PDE10A: variants seen among roughly 807,000 people sequenced by gnomAD.
PDE10A encodes phosphodiesterase 10A.
In PDE10A, 39 loss-of-function variants were observed where a neutral mutation model predicts 97.7. The observed-to-expected ratio is 0.40, with a 90% CI of 0.31 to 0.52. PDE10A has a LOEUF of 0.52. Among genes scored for constraint, PDE10A ranks in the 20% least tolerant of loss-of-function variants. The pLI is 0.56. For missense variants in PDE10A, 731 were observed against 1,047.8 expected, an observed-to-expected ratio of 0.70 and a Z score of 4.17; for synonymous variants, 371 against 376.8, an observed-to-expected ratio of 0.98 and a Z score of 0.18.
At chr6:165,804,417 G>A (rs1404685194) in intron 1 of PDE10A, among the ~76,000 whole-genome samples, 1 of 151,980 alleles carries the variant, frequency 6.6e-6, no homozygotes, top group Non-Finnish European at 1.5e-5. Flanking sequence ...GTTTTGTTTT[G>A]TTTTGTTTTT....
At chr6:165,481,003 C>T (rs374719175) in intron 3 of PDE10A, among the ~76,000 whole-genome samples, 13 of 152,088 alleles carry the variant, frequency 8.5e-5, no homozygotes, top group Non-Finnish European at 1.6e-4. Flanking sequence ...TGAATAATAG[C>T]GAAGAAAAAT....
intron 1 of PDE10A, among the ~76,000 whole-genome samples, chr6:165,862,591 A>C (rs2128476974): frequency 6.6e-6 from 1 of 152,222 alleles, no homozygotes; most frequent in East Asian, 1.9e-4. Flanking sequence ...TAGAATCCTG[A>C]TGAATTCAGG....
At chr6:165,406,366 A>G (rs1314818042) in intron 13 of PDE10A, among the ~76,000 whole-genome samples, 1 of 152,024 alleles carries the variant, frequency 6.6e-6, no homozygotes, top group Non-Finnish European at 1.5e-5. Context: ...TATTTCTTAG[A>G]AAACTTTTCT....
intron 1 of PDE10A, among the ~76,000 whole-genome samples, chr6:165,684,408 C>T (rs895663142): frequency 2.6e-5 from 4 of 152,286 alleles, no homozygotes; most frequent in East Asian, 1.9e-4. Flanking sequence ...AATAAGTGAA[C>T]GAATTGATGT....
At chr6:165,530,962 T>C (rs1295800278) in intron 2 of PDE10A, among the ~76,000 whole-genome samples, 1 of 152,208 alleles carries the variant, frequency 6.6e-6, no homozygotes, top group Non-Finnish European at 1.5e-5. Flanking sequence ...ATCCTCAATC[T>C]TTATACATGT....
intron 1 of PDE10A, among the ~76,000 whole-genome samples, chr6:165,759,771 C>T (rs576259665): frequency 6.6e-6 from 1 of 152,318 alleles, no homozygotes; most frequent in Admixed American, 6.5e-5. Context: ...TGGAAAACCC[C>T]ACCCAAAGTA....
At chr6:165,367,503 TAATGCTTGA>T (rs1184178276) in intron 18 of PDE10A, among the ~76,000 whole-genome samples, 3 of 151,984 alleles carry the variant, frequency 2.0e-5, no homozygotes, top group African/African-American at 7.2e-5. Context: ...TGAAGAAATG[TAATGCTTGA>T]AACTTCTCCA....
chr6:165,491,486 C>CA (rs1233616521), intron 2 of PDE10A, among the ~76,000 whole-genome samples: 2 of 152,162 alleles, frequency 1.3e-5, no homozygotes, highest in African/African-American at 2.4e-5. Flanking sequence ...GACAGACCAT[C>CA]AGATAGGCCA....
At chr6:165,827,313 C>T (rs1779790080) in intron 1 of PDE10A, among the ~76,000 whole-genome samples, 1 of 152,104 alleles carries the variant, frequency 6.6e-6, no homozygotes, top group South Asian at 2.1e-4. Flanking sequence ...TGACGCGGGG[C>T]GGGGGCACCC....
At chr6:165,428,400 T>TA (rs1789317753) in intron 10 of PDE10A, among the ~76,000 whole-genome samples, 1 of 152,074 alleles carries the variant, frequency 6.6e-6, no homozygotes, top group Non-Finnish European at 1.5e-5. Context: ...TTGAAGAACA[T>TA]AAAAAGAAAC....
chr6:165,738,286 G>A (rs1358669819), intron 1 of PDE10A, among the ~76,000 whole-genome samples: 1 of 151,570 alleles, frequency 6.6e-6, no homozygotes, highest in Non-Finnish European at 1.5e-5. Flanking sequence ...TCTTGCAATA[G>A]TTTACTGAGA....
chr6:165,393,621 T>C (rs1785897307), intron 15 of PDE10A, among the ~76,000 whole-genome samples: 1 of 152,116 alleles, frequency 6.6e-6, no homozygotes, highest in South Asian at 2.1e-4. Flanking sequence ...TTCCAACTGG[T>C]CAAACTCTCA....
chr6:165,831,371 C>CAAAAAA, intron 1 of PDE10A, among the ~76,000 whole-genome samples: 11 of 44,796 alleles, frequency 2.5e-4, no homozygotes, highest in Admixed American at 4.3e-4. Flanking sequence ...GACTCTGTCT[C>CAAAAAA]AAAAAAAAAA....
At chr6:165,950,240 T>C (rs1161521374) in intron 1 of PDE10A, among the ~76,000 whole-genome samples, 1 of 152,220 alleles carries the variant, frequency 6.6e-6, no homozygotes, top group Non-Finnish European at 1.5e-5. Flanking sequence ...ACAATATTTA[T>C]CCTTCCAGCA....
intron 1 of PDE10A, among the ~76,000 whole-genome samples, chr6:165,698,285 C>T (rs1791487796): frequency 6.6e-6 from 1 of 152,152 alleles, no homozygotes; most frequent in African/African-American, 2.4e-5. Flanking sequence ...TCTCCTCTGT[C>T]TCTACAGAAA....
intron 1 of PDE10A, among the ~76,000 whole-genome samples, chr6:165,689,960 A>G (rs1582934191): frequency 6.6e-6 from 1 of 152,206 alleles, no homozygotes; most frequent in East Asian, 1.9e-4. Flanking sequence ...GCTTTCCCAA[A>G]TAAGTAAGAT....
chr6:165,945,428 G>A (rs2128493778), intron 1 of PDE10A, among the ~76,000 whole-genome samples: 1 of 152,296 alleles, frequency 6.6e-6, no homozygotes, highest in Admixed American at 6.5e-5. Flanking sequence ...ATAATTTGTT[G>A]CTACAGTCTT....
chr6:165,750,999 C>G (rs1030388437), intron 1 of PDE10A, among the ~76,000 whole-genome samples: 1 of 152,148 alleles, frequency 6.6e-6, no homozygotes, highest in African/African-American at 2.4e-5. Flanking sequence ...GTGCCTTCAC[C>G]AAGCCTTGTA....
At chr6:165,476,218 A>G (rs1779287720) in intron 3 of PDE10A, among the ~76,000 whole-genome samples, 1 of 152,202 alleles carries the variant, frequency 6.6e-6, no homozygotes, top group Non-Finnish European at 1.5e-5. Flanking sequence ...TAGAATACAG[A>G]GGATAGAAGC....
Sources: gnomAD v4.1 joint callset for allele counts (sites outside exome capture counted in the v4.1 genomes callset) on GRCh38, gnomAD v4.1.1 for gene constraint, MANE v1.5 for transcripts, NCBI Gene and HGNC (gene_info 2026-07-23, HGNC 2026-07-21) for gene names.